The following AKAP9 variants were observed in gnomAD, a reference collection of about 807,000 sequenced individuals.
AKAP9 encodes the protein A-kinase anchor protein 9.
In AKAP9, 311 loss-of-function variants were observed where a neutral mutation model predicts 488.5. The ratio of observed to expected loss-of-function variants is 0.64; its 90% CI spans 0.58 to 0.70. AKAP9 has a LOEUF of 0.70. AKAP9 is among the 30% of genes least tolerant of loss of function. The pLI is 0.00. For synonymous variants in AKAP9, 1,462 were observed against 1,483.5 expected (o/e 0.99, Z 0.33); for missense variants, 4,215 against 4,374.5 (o/e 0.96, Z 1.03).
intron 1 of AKAP9, among the ~76,000 whole-genome samples, chr7:91,952,014 C>G (rs181559359): frequency 6.6e-4 from 101 of 152,338 alleles, no homozygotes; most frequent in African/African-American, 2.4e-3. Flanking sequence ...TTCATCTTCT[C>G]TGGTTCATCC....
At chr7:92,070,329 CTGTT>C in intron 27 of AKAP9, 123 bp downstream of exon 27, 2 of 1,109,792 alleles carry the variant, frequency 1.8e-6, no homozygotes, top group East Asian at 2.5e-5. Flanking sequence ...GTAACCATTT[CTGTT>C]TGTTCTTATT....
At chr7:92,021,494 A>G (rs1221698900) in intron 12 of AKAP9, among the ~76,000 whole-genome samples, 1 of 152,110 alleles carries the variant, frequency 6.6e-6, no homozygotes, top group East Asian at 1.9e-4. Flanking sequence ...GCTAGAGTGC[A>G]ATGGCTCAAT....
intron 45 of AKAP9, among the ~76,000 whole-genome samples, chr7:92,101,513 G>A (rs1304198383): frequency 6.6e-6 from 1 of 152,076 alleles, no homozygotes; most frequent in Non-Finnish European, 1.5e-5. Flanking sequence ...CATGAATGCA[G>A]GTCACAGAGG....
chr7:92,106,180 T>C (rs1818483292), intron 47 of AKAP9, among the ~76,000 whole-genome samples: 2 of 152,188 alleles, frequency 1.3e-5, no homozygotes, highest in African/African-American at 4.8e-5. Context: ...TACCAAGTAA[T>C]GAATTCTGGA....
intron 24 of AKAP9, among the ~76,000 whole-genome samples, chr7:92,063,877 T>A (rs1810328135): frequency 6.6e-6 from 1 of 152,004 alleles, no homozygotes; most frequent in Non-Finnish European, 1.5e-5. Context: ...GCCTCCTGGG[T>A]TCAAGCGATT....
rs745968742 is a variant in AKAP9 at position 92,022,805 on chromosome 7, A to G, written c.3953-9A>G. On this transcript the variant is annotated splice_polypyrimidine_tract_variant and intron_variant, in intron 13 of 49. Transcript: ENST00000356239. ...AAATGTGCATTTTTTGTCTCTTTATATAACATAGATGTCAATCATAAAAGC... is the reference window on the plus strand; with the variant it reads ...AAATGTGCATTTTTTGTCTCTTTATGTAACATAGATGTCAATCATAAAAGC... The G allele has an allele frequency of 1.9e-6, 3 of 1,546,054 alleles. No individual in the cohort carries two copies. Among genetic ancestry groups the G allele is most frequent in the South Asian group, 2.3e-5 (2 of 88,746 alleles).
intron 1 of AKAP9, among the ~76,000 whole-genome samples, chr7:91,965,227 A>C (rs1428899589): frequency 6.6e-6 from 1 of 152,156 alleles, no homozygotes; most frequent in Non-Finnish European, 1.5e-5. Flanking sequence ...GGTAACCACC[A>C]ATCTACTCAC....
chr7:92,098,805 T>C (rs1345308770), intron 43 of AKAP9, among the ~76,000 whole-genome samples: 1 of 152,216 alleles, frequency 6.6e-6, no homozygotes, highest in Non-Finnish European at 1.5e-5. Flanking sequence ...AATACTTATA[T>C]TGAACACTTA....
At position 92,034,439 on chromosome 7, in the gene AKAP9, G is replaced by A. The variant is rs17164331; in HGVS notation, c.4338+2835G>A. Among the ~76,000 whole-genome samples, 509 of 149,430 alleles carry A rather than the reference G, an allele frequency of 3.4e-3. 3 individuals are homozygous for A. Among genetic ancestry groups the A allele is most frequent in the African/African-American group, 0.011 (448 of 40,732 alleles). On this transcript the variant is annotated intron_variant, in intron 16 of 49. Transcript: ENST00000356239. ...AAAGACAGCAAGGGCTCACACTTCC[G>A]GTGAATTTATATAGGTAGAGTTGTA...
rs781631675 is a variant in AKAP9 at position 92,079,685 on chromosome 7, T to A, written c.7552T>A (p.Cys2518Ser). 1 of 1,614,074 alleles carries A rather than the reference T, an allele frequency of 6.2e-7. No individual in the cohort carries two copies. The highest frequency in any genetic ancestry group is 2.2e-5 in the East Asian group (1 of 44,850). The change falls in exon 31 of 50, where the codon TGT (cysteine) becomes AGT (serine). Residue 2518 changes from cysteine (C) to serine (S), a missense_variant. Transcript: ENST00000356239. ...TGCAAAGGACTTAGAACTTACCCAG[T>A]GTTATAAACAAATAAAAGACATGCA... ...VSAKDLELTQ[C>S]YKQIKDMQEQ...
At chr7:92,004,019 A>G (rs1799496392) in intron 8 of AKAP9, among the ~76,000 whole-genome samples, 1 of 152,184 alleles carries the variant, frequency 6.6e-6, no homozygotes, top group Non-Finnish European at 1.5e-5. Context: ...AAGAGCATAT[A>G]TTTTAGTGAG....
intron 31 of AKAP9, among the ~76,000 whole-genome samples, chr7:92,080,365 G>A (rs751071973): frequency 3.9e-5 from 6 of 152,108 alleles, no homozygotes; most frequent in Non-Finnish European, 7.4e-5. Context: ...TTGGGAGGCC[G>A]AGGCGGGTGG....
In AKAP9 at chr7:92,031,540, A is replaced by G; in HGVS notation, c.4274A>G (p.Glu1425Gly). 6.2e-7 allele frequency: 1 copy of G among 1,612,670 alleles called. No homozygotes were observed. The highest frequency in any genetic ancestry group is 1.7e-4 in the Middle Eastern group (1 of 6,048). The change falls in exon 16 of 50, where the codon GAA (glutamate) becomes GGA (glycine). Residue 1425 changes from glutamate to glycine, a missense_variant. By Grantham distance (98) the Glu-to-Gly change is moderately conservative. Coordinates refer to ENST00000356239, the MANE Select transcript of AKAP9 (RefSeq NM_005751.5). ...EFSGEFGVKEETNIVKLLEKQ... is the reference protein window; with the variant it reads ...EFSGEFGVKEGTNIVKLLEKQ... ...TCTGGTGAATTTGGAGTGAAAGAGG[A>G]AACAAATATCGTTAAGTTGCTTGAA... is the stretch of plus-strand genomic sequence containing the variant.
chr7:92,084,550 AT>A, intron 33 of AKAP9, 89 bp from the exon 34 acceptor site: 1 of 930,782 alleles, frequency 1.1e-6, no homozygotes, highest in Non-Finnish European at 1.7e-6. Flanking sequence ...GATTTGATTG[AT>A]TACAGCACGG....
chr7:92,046,123 C>G (rs896141366), intron 21 of AKAP9, among the ~76,000 whole-genome samples: 1 of 152,230 alleles, frequency 6.6e-6, no homozygotes, highest in Non-Finnish European at 1.5e-5. Context: ...CGTGAGCCAC[C>G]ATGCCCGGCC....
chr7:91,963,738 T>C (rs957967108), intron 1 of AKAP9, among the ~76,000 whole-genome samples: 1 of 152,176 alleles, frequency 6.6e-6, no homozygotes, highest in Non-Finnish European at 1.5e-5. Flanking sequence ...CAGGATGGTC[T>C]TGAACTCCTG....
At position 91,992,201 on chromosome 7, in the gene AKAP9, A is replaced by C; in HGVS notation, c.395A>C (p.Asn132Thr). Reference sequence around the variant, plus strand: ...GTGATGAGAACAGGAAAGCCTACAAATTTATTAAGGGTACAGTATTTAAAA... The same window carrying C: ...GTGATGAGAACAGGAAAGCCTACAACTTTATTAAGGGTACAGTATTTAAAA... ...SFVMRTGKPT[N>T]LLREEEFGVD... The change falls in exon 4 of 50, where the codon AAT becomes ACT. Residue 132 changes from asparagine to threonine, a missense_variant. Physicochemically the swap from Asn to Thr is moderately conservative, Grantham distance 65. Coordinates refer to ENST00000356239, the MANE Select transcript of AKAP9 (RefSeq NM_005751.5). The C allele has an allele frequency of 6.2e-7, 1 of 1,607,680 alleles. No homozygotes were observed. Among genetic ancestry groups the C allele is most frequent in the Non-Finnish European group, 8.5e-7 (1 of 1,174,324 alleles).
chr7:92,022,203 TTA>T (rs771240562), intron 12 of AKAP9, 33 bp from the exon 13 acceptor site: 25 of 1,471,522 alleles, frequency 1.7e-5, no homozygotes, highest in Non-Finnish European at 2.1e-5. Context: ...GATTATGTAT[TTA>T]TGTTACTGCT....
chr7:92,041,364 T>G (rs1349113516), intron 18 of AKAP9: 1 of 156,502 alleles, frequency 6.4e-6, no homozygotes, highest in Non-Finnish European at 1.4e-5. Flanking sequence ...TACCTTTATC[T>G]GTCTTTAATC....
Sources: allele counts gnomAD v4.1 joint callset (sites outside exome capture counted in the v4.1 genomes callset), GRCh38; gene constraint gnomAD v4.1.1; transcripts MANE v1.5; gene names NCBI Gene and HGNC (gene_info 2026-07-23, HGNC 2026-07-21).